NEDD1: variants seen among roughly 807,000 people sequenced by gnomAD.
NEDD1 encodes NEDD1 gamma-tubulin ring complex targeting factor.
In NEDD1, 33 loss-of-function variants were observed where a neutral mutation model predicts 74.0. The ratio of observed to expected loss-of-function variants is 0.45; its 90% CI spans 0.34 to 0.60. The LOEUF (loss-of-function observed/expected upper bound fraction) is 0.60. NEDD1 is among the 20% of genes least tolerant of loss of function. NEDD1 has a pLI of 0.01. For missense variants in NEDD1, 746 were observed against 776.5 expected (o/e 0.96, Z 0.47); for synonymous variants, 250 against 264.4 (o/e 0.95, Z 0.53).
chr12:96,911,625 A>G (rs1043423510), intron 3 of NEDD1, among the ~76,000 whole-genome samples: 2 of 152,184 alleles, frequency 1.3e-5, no homozygotes, highest in Non-Finnish European at 2.9e-5. Context: ...TGATTTCTAA[A>G]ACTACAAGAG....
chr12:96,913,188 G>A (rs1874097604), intron 4 of NEDD1, among the ~76,000 whole-genome samples: 1 of 151,934 alleles, frequency 6.6e-6, no homozygotes, highest in Non-Finnish European at 1.5e-5. Context: ...TACTGATCTT[G>A]GGCTCAGGAC....
chr12:96,951,347 A>G (rs1259077424), intron 14 of NEDD1, 85 bp from the exon 15 acceptor site: 5 of 689,824 alleles, frequency 7.2e-6, no homozygotes, highest in Non-Finnish European at 1.2e-5. Flanking sequence ...TAATTTGGCA[A>G]ATGAAAAAGT....
chr12:96,940,621 C>T, intron 10 of NEDD1, 84 bp downstream of exon 10: 2 of 927,444 alleles, frequency 2.2e-6, no homozygotes, highest in Non-Finnish European at 3.2e-6. Context: ...TAGCTTCAGT[C>T]CAACTCTATT....
chr12:96,935,164 C>A lies in NEDD1; in HGVS notation c.678C>A (p.Gly226=), dbSNP rs953470877. The A allele has an allele frequency of 1.2e-6, 2 of 1,611,032 alleles. No individual in the cohort carries two copies. Among genetic ancestry groups the A allele is most frequent in the Non-Finnish European group, 1.7e-6 (2 of 1,177,320 alleles). The change falls in exon 7 of 16, where the codon GGC becomes GGA. Residue 226 remains glycine (G), a synonymous_variant. Coordinates refer to ENST00000266742, the MANE Select transcript of NEDD1 (RefSeq NM_152905.4). ...PVNELLFVTI[G]LDKRIILYDT... is the part of the protein sequence containing the mutation. ...ATGAATTGCTCTTTGTAACCATAGG[C>A]TTGGATAAAAGAATCATCCTCTATG... is the stretch of plus-strand genomic sequence containing the variant.
rs1197252394 is a variant in NEDD1, at chr12:96,937,373, T to C, written c.1097T>C (p.Val366Ala). The change falls in exon 9 of 16, where the codon GTT (valine) becomes GCT (alanine). Residue 366 changes from valine (V) to alanine (A), a missense_variant. Physicochemically the swap from Val to Ala is moderately conservative, Grantham distance 64 (BLOSUM62 0). Transcript: ENST00000266742. Reference sequence around the variant, plus strand: ...ACATCAGCTATGGGGAAAGGAACAGTTGCTGTTCAAGAAAAAGCAGGTAAA... The same window carrying C: ...ACATCAGCTATGGGGAAAGGAACAGCTGCTGTTCAAGAAAAAGCAGGTAAA... ...PMTSAMGKGT[V>A]AVQEKAGLPR... 1 of 1,594,066 alleles carries C rather than the reference T, an allele frequency of 6.3e-7. No homozygotes were observed. The highest frequency in any genetic ancestry group is 8.5e-7 in the Non-Finnish European group (1 of 1,170,790).
chr12:96,924,107 A>C (rs1457843484), intron 6 of NEDD1, among the ~76,000 whole-genome samples: 1 of 152,142 alleles, frequency 6.6e-6, no homozygotes, highest in Non-Finnish European at 1.5e-5. Context: ...AATTGTACCA[A>C]TGTTATTTAT....
intron 6 of NEDD1, among the ~76,000 whole-genome samples, chr12:96,932,463 A>AT (rs1555203252): frequency 4.2e-4 from 4 of 9,440 alleles, no homozygotes; most frequent in East Asian, 5.9e-3. Flanking sequence ...AAAAAAAAAA[A>AT]ATATATATAT....
chr12:96,924,341 T>G (rs1428835803), intron 6 of NEDD1, among the ~76,000 whole-genome samples: 1 of 152,204 alleles, frequency 6.6e-6, no homozygotes, highest in Non-Finnish European at 1.5e-5. Context: ...AGCTTGCCCA[T>G]TTCTAACAAA....
chr12:96,950,616 T>C (rs1489642558), intron 14 of NEDD1, among the ~76,000 whole-genome samples: 1 of 151,948 alleles, frequency 6.6e-6, no homozygotes, highest in Non-Finnish European at 1.5e-5. Context: ...TTTGTAATGC[T>C]CAAAAACATG....
intron 7 of NEDD1, among the ~76,000 whole-genome samples, chr12:96,936,048 A>G (rs1374610149): frequency 6.6e-6 from 1 of 152,120 alleles, no homozygotes; most frequent in East Asian, 1.9e-4. Context: ...TCTACTATAC[A>G]CACCAGTAAA....
At chr12:96,929,553 GTA>G (rs1491093623) in intron 6 of NEDD1, among the ~76,000 whole-genome samples, 1 of 85,380 alleles carries the variant, frequency 1.2e-5, no homozygotes, top group Non-Finnish European at 2.2e-5. Flanking sequence ...TTGTTTTCAT[GTA>G]TACACACACA....
chr12:96,923,121 GAA>G (rs74829808), intron 6 of NEDD1, among the ~76,000 whole-genome samples: 2 of 146,284 alleles, frequency 1.4e-5, no homozygotes, highest in Non-Finnish European at 3.0e-5. Flanking sequence ...TGTCTCAAAA[GAA>G]AAAAAAAAGC....
intron 4 of NEDD1, among the ~76,000 whole-genome samples, chr12:96,916,345 G>A (rs975275367): frequency 1.4e-5 from 2 of 144,840 alleles, no homozygotes; most frequent in South Asian, 2.2e-4. Context: ...ATGCTGGTGC[G>A]CTGCACCCAC....
At chr12:96,943,249 A>G (rs1268185720) in intron 11 of NEDD1, among the ~76,000 whole-genome samples, 1 of 152,104 alleles carries the variant, frequency 6.6e-6, no homozygotes, top group Non-Finnish European at 1.5e-5. Context: ...GTTATCAAGA[A>G]CTAATACTGA....
chr12:96,928,738 G>A (rs1876005798), intron 6 of NEDD1, among the ~76,000 whole-genome samples: 1 of 139,392 alleles, frequency 7.2e-6, no homozygotes, highest in Non-Finnish European at 1.5e-5. Flanking sequence ...CCAGGCTGGA[G>A]TGCAGTGGCA....
intron 3 of NEDD1, among the ~76,000 whole-genome samples, chr12:96,912,386 T>C (rs1210652241): frequency 1.3e-5 from 2 of 152,184 alleles, no homozygotes; most frequent in Non-Finnish European, 2.9e-5. Flanking sequence ...TTGATTGATA[T>C]TTGCTGATGC....
At chr12:96,910,029 A>G in intron 3 of NEDD1, 134 bp downstream of exon 3, 1 of 903,988 alleles carries the variant, frequency 1.1e-6, no homozygotes, top group Non-Finnish European at 1.6e-6. Context: ...AGGATAGATA[A>G]CGTAAAATAG....
At chr12:96,932,463 A>AAAAAAAAAAAAAATATATATATATAT in intron 6 of NEDD1, among the ~76,000 whole-genome samples, 4 of 9,434 alleles carry the variant, frequency 4.2e-4, no homozygotes, top group Non-Finnish European at 7.9e-4. Flanking sequence ...AAAAAAAAAA[A>AAAAAAAAAAAAAATATATATATATAT]ATATATATAT....
At chr12:96,929,892 T>G (rs1397776059) in intron 6 of NEDD1, among the ~76,000 whole-genome samples, 26 of 152,122 alleles carry the variant, frequency 1.7e-4, no homozygotes, top group Admixed American at 1.7e-3. Flanking sequence ...TGACTGAGGT[T>G]GTAAAATTGG....
Sources: allele counts gnomAD v4.1 joint callset (sites outside exome capture counted in the v4.1 genomes callset), GRCh38; gene constraint gnomAD v4.1.1; transcripts MANE v1.5; gene names NCBI Gene and HGNC (gene_info 2026-07-23, HGNC 2026-07-21).